The following UVRAG variants were observed in gnomAD, a reference collection of about 807,000 sequenced individuals.
The protein encoded by UVRAG is UV radiation resistance-associated gene protein.
Under a neutral mutation model 78.0 loss-of-function variants are expected in UVRAG, and 19 were observed. The observed-to-expected ratio is 0.24, with a 90% CI of 0.17 to 0.36. The LOEUF (loss-of-function observed/expected upper bound fraction) is 0.36, where lower values mean the gene tolerates loss of function less well. UVRAG is among the 10% of genes least tolerant of loss of function. The pLI is 1.00. For missense variants in UVRAG, 740 were observed against 853.8 expected, an observed-to-expected ratio of 0.87 and a Z score of 1.66; for synonymous variants, 323 against 324.6, an observed-to-expected ratio of 1.00 and a Z score of 0.05.
At chr11:76,009,155 CCTT>C (rs1950004632) in intron 11 of UVRAG, among the ~76,000 whole-genome samples, 1 of 152,054 alleles carries the variant, frequency 6.6e-6, no homozygotes, top group South Asian at 2.1e-4. Flanking sequence ...AATCGCCCTT[CCTT>C]TTGGTTTGAT....
intron 12 of UVRAG, among the ~76,000 whole-genome samples, chr11:76,054,504 A>G (rs1235653043): frequency 1.3e-5 from 2 of 152,176 alleles, no homozygotes; most frequent in Non-Finnish European, 2.9e-5. Context: ...AGGACCCTGC[A>G]TGATGTAAAC....
intron 14 of UVRAG, among the ~76,000 whole-genome samples, chr11:76,138,202 T>C (rs1316682780): frequency 1.3e-5 from 2 of 152,234 alleles, no homozygotes; most frequent in Non-Finnish European, 2.9e-5. Flanking sequence ...CAAATGTTAC[T>C]TGAATTTGAA....
intron 7 of UVRAG, among the ~76,000 whole-genome samples, chr11:75,962,788 T>G (rs1948933881): frequency 6.6e-6 from 1 of 152,208 alleles, no homozygotes; most frequent in African/African-American, 2.4e-5. Context: ...TGCTGGGTTT[T>G]ATTTTTGTTT....
chr11:76,026,123 T>A (rs1950322497), intron 12 of UVRAG, among the ~76,000 whole-genome samples: 1 of 152,196 alleles, frequency 6.6e-6, no homozygotes, highest in Admixed American at 6.6e-5. Flanking sequence ...TCTGATGGCC[T>A]CTTCTTGAAA....
intron 5 of UVRAG, among the ~76,000 whole-genome samples, chr11:75,908,436 C>G (rs1330992102): frequency 1.3e-5 from 2 of 152,060 alleles, no homozygotes; most frequent in East Asian, 1.9e-4. Context: ...GGTACATACC[C>G]AGAAATAGTT....
chr11:76,045,930 T>C (rs1175668461), intron 12 of UVRAG, among the ~76,000 whole-genome samples: 2 of 152,086 alleles, frequency 1.3e-5, no homozygotes, highest in African/African-American at 4.8e-5. Context: ...CCTAGCACAA[T>C]AACATTTTAA....
chr11:76,093,060 C>T (rs1951731186), intron 13 of UVRAG, among the ~76,000 whole-genome samples: 1 of 152,202 alleles, frequency 6.6e-6, no homozygotes, highest in Non-Finnish European at 1.5e-5. Context: ...GTATGGCTAG[C>T]CAGTTTTCCC....
rs1285598068 is a variant in UVRAG, at chr11:75,815,440, C to A, written c.33C>A (p.Val11=). MSASASVGGP[V]PQPPPGPAAA... is the part of the protein sequence containing the mutation. Reference sequence around the variant, plus strand: ...CCTCCGCGTCGGTCGGGGGCCCCGTCCCCCAGCCACCCCCGGGCCCGGCCG... The same window carrying A: ...CCTCCGCGTCGGTCGGGGGCCCCGTACCCCAGCCACCCCCGGGCCCGGCCG... The change falls in exon 1 of 15, where the codon GTC becomes GTA. Residue 11 remains valine (V), a synonymous_variant. Coordinates refer to ENST00000356136, the MANE Select transcript of UVRAG (RefSeq NM_003369.4). 1.3e-5 allele frequency: 16 copies of A among 1,247,466 alleles called. No homozygotes were observed. Among genetic ancestry groups the A allele is most frequent in the African/African-American group, 1.6e-5 (1 of 64,454 alleles). The allele number at this position is 1,247,466 out of a possible 1,614,324, so 77.3% of individuals were successfully genotyped here.
At chr11:76,118,091 T>A (rs919178003) in intron 14 of UVRAG, among the ~76,000 whole-genome samples, 2 of 152,244 alleles carry the variant, frequency 1.3e-5, no homozygotes, top group Non-Finnish European at 2.9e-5. Context: ...CTTGCTTTTT[T>A]AAAACATACC....
intron 6 of UVRAG, among the ~76,000 whole-genome samples, chr11:75,923,192 A>T (rs1370221000): frequency 6.6e-6 from 1 of 151,642 alleles, no homozygotes; most frequent in Non-Finnish European, 1.5e-5. Flanking sequence ...TGGTTGCTGA[A>T]TTTTTTGAAA....
intron 6 of UVRAG, among the ~76,000 whole-genome samples, chr11:75,923,710 A>G (rs1948027886): frequency 6.6e-6 from 1 of 151,870 alleles, no homozygotes; most frequent in African/African-American, 2.4e-5. Flanking sequence ...CGCTCTGTCC[A>G]TTTTTTCCTG....
intron 4 of UVRAG, among the ~76,000 whole-genome samples, chr11:75,886,969 T>TGG (rs1288200880): frequency 1.7e-4 from 25 of 149,580 alleles, no homozygotes; most frequent in South Asian, 8.5e-4. Context: ...TTCCTTAATT[T>TGG]TGTTTTTTTT....
At chr11:75,897,575 A>G (rs1947368833) in intron 5 of UVRAG, among the ~76,000 whole-genome samples, 1 of 152,148 alleles carries the variant, frequency 6.6e-6, no homozygotes, top group South Asian at 2.1e-4. Flanking sequence ...CCCAGGCTGG[A>G]GTGCAGTGGC....
chr11:76,023,323 T>G (rs1950278699), intron 12 of UVRAG, among the ~76,000 whole-genome samples: 1 of 152,174 alleles, frequency 6.6e-6, no homozygotes. Context: ...CGGGCATGAA[T>G]GTAGCTTCTA....
At position 76,004,034 on chromosome 11, in the gene UVRAG, C is replaced by T; in HGVS notation, c.856C>T (p.Leu286Phe). The change falls in exon 9 of 15, where the codon CTT (leucine) becomes TTT (phenylalanine). Residue 286 changes from leucine (L) to phenylalanine (F), a missense_variant. By Grantham distance (22) the Leu-to-Phe change is conservative (BLOSUM62 0). Coordinates refer to ENST00000356136, the MANE Select transcript of UVRAG (RefSeq NM_003369.4). ...TGCATTTTCAGCTGAGCACCTCAAA[C>T]TTCAACTCCAGAAGGAATCCCTAAA... is the stretch of plus-strand genomic sequence containing the variant. ...GSAFSAEHLK[L>F]QLQKESLNEL... is the part of the protein sequence containing the mutation. 1.2e-6 allele frequency: 2 copies of T among 1,614,036 alleles called. No homozygotes were observed. The highest frequency in any genetic ancestry group is 1.7e-6 in the Non-Finnish European group (2 of 1,179,958).
At chr11:75,892,689 A>C (rs1341487124) in intron 5 of UVRAG, among the ~76,000 whole-genome samples, 1 of 152,156 alleles carries the variant, frequency 6.6e-6, no homozygotes, top group African/African-American at 2.4e-5. Context: ...TTAATTGGAT[A>C]AGTTCAGCAG....
chr11:76,005,450 A>G (rs944451187), intron 9 of UVRAG, among the ~76,000 whole-genome samples: 1 of 152,162 alleles, frequency 6.6e-6, no homozygotes, highest in Non-Finnish European at 1.5e-5. Context: ...TGTTTGTCCA[A>G]CTCACTAGCA....
At chr11:76,015,392 G>C (rs1950127447) in intron 11 of UVRAG, among the ~76,000 whole-genome samples, 1 of 152,090 alleles carries the variant, frequency 6.6e-6, no homozygotes, top group African/African-American at 2.4e-5. Context: ...AGACAGTACA[G>C]TAGACTGGTT....
intron 7 of UVRAG, among the ~76,000 whole-genome samples, chr11:75,979,262 C>T (rs1325074101): frequency 2.0e-5 from 3 of 152,174 alleles, no homozygotes; most frequent in East Asian, 1.9e-4. Context: ...GGCACCTGGC[C>T]GTATGAGGTG....
Sources: gnomAD v4.1 joint callset for allele counts (sites outside exome capture counted in the v4.1 genomes callset) on GRCh38, gnomAD v4.1.1 for gene constraint, MANE v1.5 for transcripts, NCBI Gene and HGNC (gene_info 2026-07-23, HGNC 2026-07-21) for gene names.